DRC11: variants seen among roughly 807,000 people sequenced by gnomAD.
The protein encoded by DRC11 is IQ and AAA domain-containing protein 1.
At chr2:236,408,246 G>C in the DRC11 span, 1 of 847,920 alleles carries the variant, frequency 1.2e-6, no homozygotes. The surrounding 1 kb of genome is among the most constrained non-coding windows in gnomAD (Gnocchi z 5.5). Context: ...TCTCAGTGCG[G>C]TGATGGTAGC....
chr2:236,440,198 T>C, the DRC11 span, among the ~76,000 whole-genome samples: 1 of 152,148 alleles, frequency 6.6e-6, no homozygotes, highest in Non-Finnish European at 1.5e-5. Context: ...AAATGCTGTA[T>C]GTTTGAAGGC....
chr2:236,431,311 G>A, the DRC11 span, among the ~76,000 whole-genome samples: 1 of 152,158 alleles, frequency 6.6e-6, no homozygotes, highest in African/African-American at 2.4e-5. This position sits in a 1 kb window ranked among gnomAD's most constrained non-coding sequence, Gnocchi z 4.2. Context: ...ACATGGCTGG[G>A]AAGGCCTCAG....
At chr2:236,475,436 G>A in the DRC11 span, among the ~76,000 whole-genome samples, 1 of 152,104 alleles carries the variant, frequency 6.6e-6, no homozygotes, top group Non-Finnish European at 1.5e-5. The surrounding 1 kb of genome is among the most constrained non-coding windows in gnomAD (Gnocchi z 4.8). Flanking sequence ...GCTGCAACAG[G>A]CATGCAAGTG....
the DRC11 span, among the ~76,000 whole-genome samples, chr2:236,455,820 A>G: frequency 6.6e-6 from 1 of 152,216 alleles, no homozygotes; most frequent in Admixed American, 6.5e-5. The surrounding 1 kb of genome is among the most constrained non-coding windows in gnomAD (Gnocchi z 5.7). Flanking sequence ...AAGAATGTGC[A>G]TTTGCTGGCA....
At chr2:236,449,505 G>A in the DRC11 span, among the ~76,000 whole-genome samples, 1 of 152,168 alleles carries the variant, frequency 6.6e-6, no homozygotes, top group South Asian at 2.1e-4. This position sits in a 1 kb window ranked among gnomAD's most constrained non-coding sequence, Gnocchi z 5.1. Context: ...TTCCACCCGA[G>A]CCCCACAGTC....
chr2:236,329,179 C>A, the DRC11 span, among the ~76,000 whole-genome samples: 3 of 152,230 alleles, frequency 2.0e-5, no homozygotes, highest in Admixed American at 1.3e-4. Context: ...ATTGGACTCA[C>A]CAGGATAATT....
the DRC11 span, chr2:236,497,556 C>T: frequency 1.8e-6 from 2 of 1,142,374 alleles, no homozygotes; most frequent in South Asian, 1.6e-5. The surrounding 1 kb of genome is among the most constrained non-coding windows in gnomAD (Gnocchi z 5.1). Context: ...AAACATCGGG[C>T]CTCTGGTATA....
At chr2:236,376,716 T>C in the DRC11 span, among the ~76,000 whole-genome samples, 1 of 152,204 alleles carries the variant, frequency 6.6e-6, no homozygotes, top group African/African-American at 2.4e-5. The surrounding 1 kb of genome is among the most constrained non-coding windows in gnomAD (Gnocchi z 5.7). Flanking sequence ...TTGGAAAGAA[T>C]TCCTCCAGTA....
chr2:236,434,642 A>G, the DRC11 span, among the ~76,000 whole-genome samples: 1 of 152,128 alleles, frequency 6.6e-6, no homozygotes, highest in Non-Finnish European at 1.5e-5. The surrounding 1 kb of genome is among the most constrained non-coding windows in gnomAD (Gnocchi z 5.5). Context: ...TGACTCTTCA[A>G]TCATCTGTCT....
chr2:236,435,181 C>T, the DRC11 span, among the ~76,000 whole-genome samples: 9 of 152,208 alleles, frequency 5.9e-5, no homozygotes, highest in Non-Finnish European at 1.2e-4. Flanking sequence ...CCTGAAACCC[C>T]GAGCTAAAGC....
chr2:236,390,277 A>G, the DRC11 span, among the ~76,000 whole-genome samples: 1 of 152,158 alleles, frequency 6.6e-6, no homozygotes, highest in African/African-American at 2.4e-5. The surrounding 1 kb of genome is among the most constrained non-coding windows in gnomAD (Gnocchi z 5.9). Context: ...TTGTCTAAGT[A>G]TAGCCATTTC....
chr2:236,391,397 T>G, the DRC11 span: 2 of 153,124 alleles, frequency 1.3e-5, no homozygotes, highest in Non-Finnish European at 2.9e-5. This position sits in a 1 kb window ranked among gnomAD's most constrained non-coding sequence, Gnocchi z 4.5. Flanking sequence ...ATGCCAGCAC[T>G]GACAGGGAGA....
the DRC11 span, chr2:236,399,577 G>T: frequency 9.7e-7 from 1 of 1,027,896 alleles, no homozygotes; most frequent in Non-Finnish European, 1.5e-6. The surrounding 1 kb of genome is among the most constrained non-coding windows in gnomAD (Gnocchi z 7.0). Context: ...GAGGGTCCAT[G>T]CCGCGCAGGC....
At chr2:236,323,645 A>G in the DRC11 span, among the ~76,000 whole-genome samples, 1 of 152,180 alleles carries the variant, frequency 6.6e-6, no homozygotes. The surrounding 1 kb of genome is among the most constrained non-coding windows in gnomAD (Gnocchi z 6.4). Context: ...CAAAACCTGG[A>G]TGCCTGACCT....
the DRC11 span, among the ~76,000 whole-genome samples, chr2:236,329,752 C>A: frequency 2.0e-5 from 3 of 152,250 alleles, no homozygotes; most frequent in East Asian, 3.9e-4. Context: ...AATGGAGGCA[C>A]AAAGGGATTG....
chr2:236,317,449 A>C, the DRC11 span, among the ~76,000 whole-genome samples: 1 of 152,178 alleles, frequency 6.6e-6, no homozygotes, highest in African/African-American at 2.4e-5. This position sits in a 1 kb window ranked among gnomAD's most constrained non-coding sequence, Gnocchi z 5.4. Context: ...TGGCTAGAAG[A>C]AGCCCGACGG....
the DRC11 span, among the ~76,000 whole-genome samples, chr2:236,407,269 T>C: frequency 3.3e-5 from 5 of 152,152 alleles, no homozygotes; most frequent in Admixed American, 2.6e-4. Flanking sequence ...TCTTTGATGG[T>C]ATCTGGGTTA....
the DRC11 span, among the ~76,000 whole-genome samples, chr2:236,491,213 C>CACAGTGTATATATATATATATATATAT: frequency 3.1e-5 from 1 of 32,776 alleles, no homozygotes; most frequent in Non-Finnish European, 6.8e-5. Flanking sequence ...TATATATATA[C>CACAGTGTATATATATATATATATATAT]ACACAGTATA....
the DRC11 span, among the ~76,000 whole-genome samples, chr2:236,453,536 T>C: frequency 6.6e-6 from 1 of 152,232 alleles, no homozygotes; most frequent in Admixed American, 6.5e-5. The surrounding 1 kb of genome is among the most constrained non-coding windows in gnomAD (Gnocchi z 4.9). Flanking sequence ...CGTTAAGTAC[T>C]GTAAAGAATA....
Sources: gnomAD v4.1 joint callset for allele counts (sites outside exome capture counted in the v4.1 genomes callset) on GRCh38, gnomAD v4.1.1 for gene constraint, Gnocchi (gnomAD v3.1) non-coding constraint, MANE v1.5 for transcripts, NCBI Gene and HGNC (gene_info 2026-07-23, HGNC 2026-07-21) for gene names.